BRINP3: variants seen among roughly 807,000 people sequenced by gnomAD.
BRINP3 encodes BMP/retinoic acid-inducible neural-specific protein 3.
In BRINP3, 19 loss-of-function variants were observed where a neutral mutation model predicts 71.0. The ratio of observed to expected loss-of-function variants is 0.27; its 90% CI spans 0.19 to 0.39. The LOEUF is 0.39. Among genes scored for constraint, BRINP3 ranks in the 10% least tolerant of loss-of-function variants. The probability of loss-of-function intolerance (pLI) is 1.00; values close to 1 mark genes in which losing one functional copy is unlikely to be tolerated. For synonymous variants in BRINP3, 380 were observed against 337.7 expected, an observed-to-expected ratio of 1.13 and a Z score of -1.37; for missense variants, 959 against 940.8, an observed-to-expected ratio of 1.02 and a Z score of -0.25.
intron 2 of BRINP3, among the ~76,000 whole-genome samples, chr1:190,327,326 C>CAAAAAAAAA (rs1227478693): frequency 1.4e-4 from 6 of 44,232 alleles, no homozygotes; most frequent in Admixed American, 3.1e-4. Flanking sequence ...AAAAAAAGAA[C>CAAAAAAAAA]AAAAAAAAAA....
At chr1:190,345,341 T>C (rs1322696621) in intron 2 of BRINP3, among the ~76,000 whole-genome samples, 4 of 151,672 alleles carry the variant, frequency 2.6e-5, no homozygotes, top group African/African-American at 4.8e-5. Context: ...GCCCATGAAA[T>C]TGAAGCAATA....
chr1:190,259,612 CAAAAAATAAATAAATA>C (rs1243371604), intron 4 of BRINP3, among the ~76,000 whole-genome samples: 2 of 115,912 alleles, frequency 1.7e-5, no homozygotes, highest in Non-Finnish European at 3.6e-5. Flanking sequence ...GAGAATTAGG[CAAAAAATAAATAAATA>C]AATAAATAAA....
In BRINP3 at chr1:190,477,596, C is replaced by T. The variant is rs1032984775; in HGVS notation, c.-199G>A. ...ATCAGCAGTTCCTGGTGGCATGTAA[C>T]CAAGTAAAAACCAGTTACACAGAGA... On this transcript the variant is annotated 5_prime_UTR_variant, in exon 1 of 8. Coordinates refer to ENST00000367462, the MANE Select transcript of BRINP3 (RefSeq NM_199051.3). 6.6e-6 allele frequency: 1 copy of T among 151,732 alleles called. No homozygotes were observed. The highest frequency in any genetic ancestry group is 1.5e-5 in the Non-Finnish European group (1 of 67,984). The allele number at this position is 151,732 out of a possible 1,614,324, so 9.4% of individuals were successfully genotyped here. A position where few individuals can be genotyped will look rare whatever the true frequency, so the allele number is the denominator to read the frequency against.
At chr1:190,250,613 A>G (rs1011762648) in intron 4 of BRINP3, among the ~76,000 whole-genome samples, 3 of 151,932 alleles carry the variant, frequency 2.0e-5, no homozygotes, top group East Asian at 1.9e-4. Context: ...ATTATCTGTC[A>G]GCATTATATG....
At chr1:190,199,199 T>C (rs1380084389) in intron 6 of BRINP3, among the ~76,000 whole-genome samples, 1 of 152,138 alleles carries the variant, frequency 6.6e-6, no homozygotes, top group Admixed American at 6.6e-5. Flanking sequence ...TTCAATTACC[T>C]CCCACTGGGT....
At chr1:190,440,891 C>A (rs1343332979) in intron 2 of BRINP3, among the ~76,000 whole-genome samples, 1 of 151,772 alleles carries the variant, frequency 6.6e-6, no homozygotes, top group Admixed American at 6.6e-5. Context: ...GAAAACAATT[C>A]TAATAAAAAA....
intron 7 of BRINP3, among the ~76,000 whole-genome samples, chr1:190,122,482 A>G (rs927070483): frequency 6.6e-5 from 10 of 150,846 alleles, no homozygotes; most frequent in Non-Finnish European, 1.2e-4. Flanking sequence ...ATTTGACATC[A>G]GAGGCAGATT....
At chr1:190,153,479 G>A (rs1042443779) in intron 7 of BRINP3, among the ~76,000 whole-genome samples, 1 of 152,040 alleles carries the variant, frequency 6.6e-6, no homozygotes, top group African/African-American at 2.4e-5. Flanking sequence ...GTAAGGGTTT[G>A]TAAATTTACT....
intron 7 of BRINP3, among the ~76,000 whole-genome samples, chr1:190,159,792 T>A (rs1657186685): frequency 6.6e-6 from 1 of 151,958 alleles, no homozygotes; most frequent in Admixed American, 6.6e-5. Flanking sequence ...TTTTTTTTTA[T>A]ACTAGACACC....
chr1:190,472,191 C>G (rs1164320523), intron 1 of BRINP3, among the ~76,000 whole-genome samples: 5 of 151,542 alleles, frequency 3.3e-5, no homozygotes, highest in Admixed American at 1.3e-4. Flanking sequence ...CTGAGGTAGG[C>G]ATTGTTTCCT....
rs1655579188 is a variant in BRINP3 at position 190,142,923 on chromosome 1, C to A, written c.1184+17745G>T. On this transcript the variant is annotated intron_variant, in intron 7 of 7. Coordinates refer to ENST00000367462, the MANE Select transcript of BRINP3 (RefSeq NM_199051.3). ...TGGAAAACTTTTATTGAAAAAATTT[C>A]CTGAAAGGCCGTAAGTAGTTTTTAT... Among the ~76,000 whole-genome samples, 4 of 151,644 alleles carry A rather than the reference C, an allele frequency of 2.6e-5. 1 individual carries two copies. The South Asian group carries it at 8.3e-4, about 32-fold the overall frequency.
At chr1:190,308,586 T>C (rs931576905) in intron 2 of BRINP3, among the ~76,000 whole-genome samples, 2 of 151,824 alleles carry the variant, frequency 1.3e-5, no homozygotes, top group African/African-American at 4.8e-5. Context: ...AGCACATGTA[T>C]ACATATGTAA....
At chr1:190,100,435 T>C (rs1376522659) in intron 7 of BRINP3, among the ~76,000 whole-genome samples, 3 of 152,168 alleles carry the variant, frequency 2.0e-5, no homozygotes, top group Non-Finnish European at 2.9e-5. Flanking sequence ...TTTTCTTTCA[T>C]AGCTACATAA....
At chr1:190,312,310 A>T (rs1665591219) in intron 2 of BRINP3, among the ~76,000 whole-genome samples, 1 of 151,316 alleles carries the variant, frequency 6.6e-6, no homozygotes, top group Admixed American at 6.6e-5. Flanking sequence ...CATGTATCTG[A>T]AAAAGCCAAA....
chr1:190,199,542 C>T lies in BRINP3; in HGVS notation c.961+26540G>A, dbSNP rs939504366. Among the ~76,000 whole-genome samples the T allele has an allele frequency of 1.6e-4, 25 of 151,936 alleles. 1 individual carries two copies. Among genetic ancestry groups the T allele is most frequent in the African/African-American group, 5.8e-4 (24 of 41,382 alleles). ...ATACCCAAACCAGAGCAATAAGGCTCCAAACTATTTATTTTTCTGTAATAT... is the reference window on the plus strand; with the variant it reads ...ATACCCAAACCAGAGCAATAAGGCTTCAAACTATTTATTTTTCTGTAATAT... On this transcript the variant is annotated intron_variant, in intron 6 of 7. Coordinates refer to ENST00000367462, the MANE Select transcript of BRINP3 (RefSeq NM_199051.3).
chr1:190,416,767 G>T (rs1425910385), intron 2 of BRINP3, among the ~76,000 whole-genome samples: 2 of 151,890 alleles, frequency 1.3e-5, no homozygotes, highest in African/African-American at 4.8e-5. Flanking sequence ...GTAAACAAAG[G>T]CTTAGAGACC....
intron 2 of BRINP3, among the ~76,000 whole-genome samples, chr1:190,403,556 G>A (rs1003290385): frequency 6.6e-6 from 1 of 152,144 alleles, no homozygotes; most frequent in Non-Finnish European, 1.5e-5. Flanking sequence ...TCTTCACTAC[G>A]TAGCACAGAA....
intron 6 of BRINP3, among the ~76,000 whole-genome samples, chr1:190,172,711 G>C (rs767398328): frequency 6.6e-5 from 10 of 152,118 alleles, no homozygotes; most frequent in Admixed American, 2.6e-4. Flanking sequence ...CATGTGGGAC[G>C]TGGAAGGCTG....
At chr1:190,182,784 G>T (rs941873353) in intron 6 of BRINP3, among the ~76,000 whole-genome samples, 2 of 152,124 alleles carry the variant, frequency 1.3e-5, no homozygotes, top group African/African-American at 2.4e-5. Flanking sequence ...GTGATGTAGC[G>T]TGGGAGCTTT....
Sources: allele counts gnomAD v4.1 joint callset (sites outside exome capture counted in the v4.1 genomes callset), GRCh38; gene constraint gnomAD v4.1.1; transcripts MANE v1.5; gene names NCBI Gene and HGNC (gene_info 2026-07-23, HGNC 2026-07-21).